Variants in GPR155 observed in about 807,000 individuals in gnomAD.
GPR155 encodes G protein-coupled receptor 155.
In GPR155, 65 loss-of-function variants were observed where a neutral mutation model predicts 93.1. That is an observed-to-expected ratio of 0.70 (90% CI 0.57 to 0.86). The LOEUF is 0.86. GPR155 is among the 40% of genes least tolerant of loss of function. The probability of loss-of-function intolerance (pLI) is 0.00; values close to 1 mark genes in which losing one functional copy is unlikely to be tolerated. For synonymous variants in GPR155, 319 were observed against 360.1 expected (o/e 0.89, Z 1.29); for missense variants, 838 against 1,034.8 (o/e 0.81, Z 2.61).
Position 174,466,544 on chromosome 2 carries a change from C to A in GPR155, c.1266G>T (p.Gln422His), listed in dbSNP as rs1172721072. 3 of 1,461,438 alleles carry A rather than the reference C, an allele frequency of 2.1e-6. No homozygotes were observed. In the Admixed American group the frequency reaches 5.3e-5, roughly 26 times the overall value. The allele number at this position is 1,461,438 out of a possible 1,614,324, so 90.5% of individuals were successfully genotyped here. ...HMLTTNLLIA[Q>H]SIVCAGMMIW... Reference sequence around the variant, plus strand: ...TCTAAATATCAGTAGTTTTACTAACCTGAGCAATGAGTAAATTAGTTGTAA... The same window carrying A: ...TCTAAATATCAGTAGTTTTACTAACATGAGCAATGAGTAAATTAGTTGTAA... Residue 422 changes from glutamine (Q) to histidine (H), a missense_variant and splice_region_variant, in exon 6 of 16, where the codon CAG (glutamine) becomes CAT (histidine). Gln to His is a conservative substitution (Grantham distance 24). This residue lies in a region of GPR155 where 663 missense variants were observed against 790.1 expected (regional missense o/e 0.84). Transcript: ENST00000392552.
Position 174,436,022 on chromosome 2 carries a change from G to A in GPR155, c.*94C>T. ...GAAGAGACAACTGAGGCTCAGAGAG[G>A]TTGCCTCTGTTAACTTGCCCAAGGT... On this transcript the variant is annotated 3_prime_UTR_variant, in exon 16 of 16. Coordinates refer to ENST00000392552, the MANE Select transcript of GPR155 (RefSeq NM_152529.7). The A allele has an allele frequency of 2.2e-6, 2 of 925,736 alleles. No homozygotes were observed. Among genetic ancestry groups the A allele is most frequent in the Non-Finnish European group, 3.4e-6 (2 of 589,606 alleles). 57.3% of individuals were successfully genotyped at this position (925,736 alleles called of 1,614,324 possible).
chr2:174,457,896 G>A (rs1687567211), intron 10 of GPR155, among the ~76,000 whole-genome samples: 1 of 152,024 alleles, frequency 6.6e-6, no homozygotes, highest in East Asian at 1.9e-4. Context: ...GACTACAGGT[G>A]TGTACCACCA....
At chr2:174,481,153 A>AT (rs1688307666) in intron 2 of GPR155, among the ~76,000 whole-genome samples, 1 of 152,240 alleles carries the variant, frequency 6.6e-6, no homozygotes, top group Non-Finnish European at 1.5e-5. Flanking sequence ...ACACTTAATA[A>AT]TAACTATTTT....
chr2:174,457,173 A>T (rs1224070795), intron 10 of GPR155, among the ~76,000 whole-genome samples: 1 of 152,128 alleles, frequency 6.6e-6, no homozygotes, highest in East Asian at 1.9e-4. Flanking sequence ...TTAGCCAGGC[A>T]TGGTGGCACA....
intron 3 of GPR155, among the ~76,000 whole-genome samples, chr2:174,471,126 G>A (rs1188380894): frequency 6.6e-6 from 1 of 151,870 alleles, no homozygotes; most frequent in Non-Finnish European, 1.5e-5. Context: ...GGTGGCTCAA[G>A]CCTGTAATCC....
At chr2:174,475,831 C>G (rs1008587329) in intron 2 of GPR155, among the ~76,000 whole-genome samples, 8 of 152,102 alleles carry the variant, frequency 5.3e-5, no homozygotes, top group African/African-American at 1.9e-4. Flanking sequence ...TTCGAAAAGT[C>G]TTATGTTTTC....
At chr2:174,481,304 C>T (rs556232860) in intron 2 of GPR155, among the ~76,000 whole-genome samples, 193 bp downstream of exon 2, 5 of 151,908 alleles carry the variant, frequency 3.3e-5, no homozygotes, top group South Asian at 2.1e-4. Context: ...AGAATATGAC[C>T]GTTTATTTTA....
chr2:174,448,918 T>C (rs770299366), intron 11 of GPR155, among the ~76,000 whole-genome samples: 1 of 152,106 alleles, frequency 6.6e-6, no homozygotes, highest in Admixed American at 6.6e-5. Flanking sequence ...AGCTTCTGCA[T>C]AGCAGAAGAA....
At chr2:174,439,544 A>G (rs1686890960) in intron 15 of GPR155, among the ~76,000 whole-genome samples, 1 of 152,156 alleles carries the variant, frequency 6.6e-6, no homozygotes, top group Admixed American at 6.5e-5. Context: ...ATATAACATC[A>G]CTTCTAAATC....
chr2:174,447,571 A>G (rs1401691158), intron 11 of GPR155, among the ~76,000 whole-genome samples: 3 of 146,076 alleles, frequency 2.1e-5, no homozygotes, highest in Non-Finnish European at 4.5e-5. Context: ...ACAAATTAAT[A>G]TATAAGCATA....
intron 10 of GPR155, among the ~76,000 whole-genome samples, chr2:174,455,233 CCAAA>C (rs71797743): frequency 0.018 from 2,688 of 152,076 alleles, 84 homozygotes; most frequent in African/African-American, 0.062. Context: ...AAACAAATGA[CCAAA>C]CAGAGAAATT....
At chr2:174,472,377 G>T (rs1255253871) in intron 3 of GPR155, among the ~76,000 whole-genome samples, 1 of 152,182 alleles carries the variant, frequency 6.6e-6, no homozygotes, top group Admixed American at 6.5e-5. Context: ...CTGCACTCCA[G>T]TCTAGTTGAC....
rs1686907232 is a variant in GPR155 at position 174,439,986 on chromosome 2, G to A, written c.2224C>T (p.Pro742Ser). The A allele has an allele frequency of 1.9e-6, 3 of 1,611,074 alleles. No individual in the cohort carries two copies. Among genetic ancestry groups the A allele is most frequent in the Non-Finnish European group, 2.5e-6 (3 of 1,177,660 alleles). Reference protein sequence around the residue: ...NKDTAENRDSPVSEEIKMTCQ... With the variant: ...NKDTAENRDSSVSEEIKMTCQ... Reference sequence around the variant, plus strand: ...GTCATTTTTATTTCCTCTGAAACAGGAGAATCCCTGTTTTCTGCTGTGTCT... The same window carrying A: ...GTCATTTTTATTTCCTCTGAAACAGAAGAATCCCTGTTTTCTGCTGTGTCT... Residue 742 changes from proline (P) to serine (S), a missense_variant, in exon 15 of 16, where the codon CCT becomes TCT. By Grantham distance (74) the Pro-to-Ser change is moderately conservative (BLOSUM62 -1). Transcript: ENST00000392552.
In GPR155 at chr2:174,483,872, A is replaced by T. The variant is rs111578096; in HGVS notation, c.-31-1885T>A. 9.7e-3 allele frequency among the ~76,000 whole-genome samples: 1,482 copies of T among 152,282 alleles called. 32 individuals are homozygous for T. Among genetic ancestry groups the T allele is most frequent in the African/African-American group, 0.034 (1,417 of 41,548 alleles). The stretch of plus-strand genomic sequence containing the variant: ...AATGCTGGGATTATAGGTGTGAGCC[A>T]CCACGCCCAGCCAACAATAGCCAAT... On this transcript the variant is annotated intron_variant, in intron 1 of 15. Transcript: ENST00000392552.
chr2:174,435,131 TTATAG>T lies in GPR155; in HGVS notation c.*980_*984del, dbSNP rs1302215663. 3 of 152,230 alleles carry T rather than the reference TTATAG, an allele frequency of 2.0e-5. No individual in the cohort carries two copies. The highest frequency in any genetic ancestry group is 4.4e-5 in the Non-Finnish European group (3 of 68,036). The allele number at this position is 152,230 out of a possible 1,614,324, so 9.4% of individuals were successfully genotyped here. Reference sequence around the variant, plus strand: ...AGTTAATAGGATATTAATTTTGAAATTATAGTAAACAGTTGCAGAAAGCAATGATT... The same window carrying T: ...AGTTAATAGGATATTAATTTTGAAATTAAACAGTTGCAGAAAGCAATGATT... On this transcript the variant is annotated 3_prime_UTR_variant, in exon 16 of 16. Transcript: ENST00000392552.
At chr2:174,441,359 A>C (rs1043285645) in intron 14 of GPR155, among the ~76,000 whole-genome samples, 7 of 151,846 alleles carry the variant, frequency 4.6e-5, no homozygotes, top group Non-Finnish European at 1.5e-5. Flanking sequence ...TACAAAGCCT[A>C]GGATAGGGGC....
intron 10 of GPR155, among the ~76,000 whole-genome samples, chr2:174,458,398 T>C (rs768530258): frequency 3.9e-5 from 6 of 152,206 alleles, no homozygotes; most frequent in African/African-American, 1.4e-4. Flanking sequence ...AAGGGTCAAA[T>C]TGAACTCATT....
rs1175333109 is a variant in GPR155 at position 174,461,594 on chromosome 2, C to G, written c.1463G>C (p.Gly488Ala). The G allele has an allele frequency of 6.2e-7, 1 of 1,606,016 alleles. No homozygotes were observed. The highest frequency in any genetic ancestry group is 2.2e-5 in the East Asian group (1 of 44,762). Residue 488 changes from glycine (G) to alanine (A), a missense_variant, in exon 8 of 16, where the codon GGC (glycine) becomes GCC (alanine). Physicochemically the swap from Gly to Ala is moderately conservative, Grantham distance 60 (BLOSUM62 0). Transcript: ENST00000392552. ...QIPVGIIIIS[G>A]WGIPALLVGV... Reference sequence around the variant, plus strand: ...CAGAGAACTACCAACTTACCCCCAGCCAGATATTATGATTATTCCAACAGG... The same window carrying G: ...CAGAGAACTACCAACTTACCCCCAGGCAGATATTATGATTATTCCAACAGG...
rs149101749 is a variant in GPR155 at position 174,479,455 on chromosome 2, C to T, written c.460+2042G>A. On this transcript the variant is annotated intron_variant, in intron 2 of 15. Transcript: ENST00000392552. ...AACCAGAAGACCTAGGTTTGGGTGT[C>T]AGTCACCTGCTAGTTGTATGACCTG... is the stretch of plus-strand genomic sequence containing the variant. Among the ~76,000 whole-genome samples, 133 of 152,334 alleles carry T rather than the reference C, an allele frequency of 8.7e-4. 1 individual carries two copies. The highest frequency in any genetic ancestry group is 5.4e-3 in the South Asian group (26 of 4,828).
Sources: allele counts gnomAD v4.1 joint callset (sites outside exome capture counted in the v4.1 genomes callset), GRCh38; gene constraint gnomAD v4.1.1; regional missense constraint gnomAD v4.1.1; transcripts MANE v1.5; gene names NCBI Gene and HGNC (gene_info 2026-07-23, HGNC 2026-07-21).